The following TMEM68 variants were observed in gnomAD, a reference collection of about 807,000 sequenced individuals.
TMEM68 encodes DGAT1/2-independent enzyme synthesizing storage lipids.
A neutral mutation model predicts 36.9 loss-of-function variants in TMEM68; 25 were observed. That is an observed-to-expected ratio of 0.68 (90% CI 0.49 to 0.95). TMEM68 has a LOEUF of 0.95. Among genes scored for constraint, TMEM68 ranks in the 40% least tolerant of loss-of-function variants. The pLI is 0.00. For missense variants in TMEM68, 333 were observed against 392.0 expected (o/e 0.85, Z 1.27); for synonymous variants, 131 against 124.4 (o/e 1.05, Z -0.35).
intron 5 of TMEM68, chr8:55,746,666 T>C (rs1422841222): frequency 6.6e-6 from 1 of 152,176 alleles, no homozygotes; most frequent in African/African-American, 2.4e-5. Flanking sequence ...ATAGGTGAGA[T>C]ATTTAAATAA....
In TMEM68 at chr8:55,740,085, C is replaced by T. The variant is rs182915557; in HGVS notation, c.*47G>A. ...CAGAAGACAGTACCTTAGATACAAA[C>T]ATTTAATATAAATGTACTAAATCAT... On this transcript the variant is annotated 3_prime_UTR_variant, in exon 8 of 8. Transcript: ENST00000434581. The T allele has an allele frequency of 3.2e-5, 48 of 1,489,340 alleles. No homozygotes were observed. The East Asian group carries it at 1.0e-3, about 32-fold the overall frequency. The allele number at this position is 1,489,340 out of a possible 1,614,324, so 92.3% of individuals were successfully genotyped here.
At chr8:55,768,841 G>T (rs907835946) in intron 1 of TMEM68, among the ~76,000 whole-genome samples, 1 of 150,430 alleles carries the variant, frequency 6.6e-6, no homozygotes, top group African/African-American at 2.4e-5. Context: ...GTGAGACTCT[G>T]CTCAAAAAGA....
chr8:55,746,349 C>A, intron 5 of TMEM68: 1 of 117,150 alleles, frequency 8.5e-6, no homozygotes, highest in African/African-American at 3.2e-5. Flanking sequence ...AAAGAATTCT[C>A]CATAATTGAT....
intron 5 of TMEM68, 162 bp downstream of exon 5, chr8:55,750,802 T>C: frequency 1.6e-6 from 1 of 632,350 alleles, no homozygotes; most frequent in South Asian, 2.2e-5. Flanking sequence ...CCTCCCAAAG[T>C]GCTGAGATTA....
intron 5 of TMEM68, among the ~76,000 whole-genome samples, chr8:55,749,051 T>C (rs1810361943): frequency 6.6e-6 from 1 of 152,236 alleles, no homozygotes; most frequent in African/African-American, 2.4e-5. Flanking sequence ...TCAAAGTTTT[T>C]ATGGATAAAG....
At chr8:55,752,520 G>A (rs903203890) in intron 4 of TMEM68, among the ~76,000 whole-genome samples, 27 of 151,912 alleles carry the variant, frequency 1.8e-4, no homozygotes, top group African/African-American at 3.9e-4. Context: ...CCCGTGAGGC[G>A]GAGGTTGCAG....
intron 5 of TMEM68, chr8:55,746,307 C>T (rs954625372): frequency 4.4e-5 from 4 of 90,294 alleles, no homozygotes; most frequent in African/African-American, 1.9e-4. Flanking sequence ...TAGAGCGAGA[C>T]ACTGTCTCCC....
rs1048420709 is a variant in TMEM68, at chr8:55,750,110, A to T, written c.687+854T>A. ...TTCAAAATATAAACTTGAAAGTTGA[A>T]CCATCTTTGATTAGGATTTTAGTTT... On this transcript the variant is annotated intron_variant, in intron 5 of 7. Transcript: ENST00000434581. Among the ~76,000 whole-genome samples, 3 of 152,172 alleles carry T rather than the reference A, an allele frequency of 2.0e-5. No homozygotes were observed. In the East Asian group the frequency reaches 5.8e-4, roughly 29 times the overall value.
intron 6 of TMEM68, among the ~76,000 whole-genome samples, chr8:55,744,299 A>ATTTTT (rs758170217): frequency 2.1e-4 from 4 of 19,178 alleles, no homozygotes; most frequent in Non-Finnish European, 2.9e-4. Flanking sequence ...GACAGACTAA[A>ATTTTT]TTTTTTTTTT....
chr8:55,763,059 TC>T, intron 2 of TMEM68, 31 bp from the exon 3 acceptor site: 1 of 1,285,096 alleles, frequency 7.8e-7, no homozygotes, highest in Non-Finnish European at 1.0e-6. Context: ...AGTATTATTT[TC>T]TCCACAGCTA....
intron 4 of TMEM68, among the ~76,000 whole-genome samples, chr8:55,755,791 A>G (rs1810587143): frequency 2.0e-5 from 3 of 152,062 alleles, no homozygotes; most frequent in Admixed American, 2.0e-4. Context: ...GATACAACTT[A>G]AAAAAATAAC....
chr8:55,751,254 C>T, intron 4 of TMEM68, 97 bp from the exon 5 acceptor site: 1 of 1,095,886 alleles, frequency 9.1e-7, no homozygotes, highest in South Asian at 1.8e-5. Flanking sequence ...ACTATTTATA[C>T]TTAAATCAGT....
intron 6 of TMEM68, 35 bp downstream of exon 6, chr8:55,745,026 C>T (rs1481761462): frequency 7.4e-6 from 10 of 1,343,864 alleles, no homozygotes; most frequent in Non-Finnish European, 9.8e-6. Flanking sequence ...TTAAAAATTA[C>T]ATTGTAATTT....
chr8:55,752,444 G>A (rs148534767), intron 4 of TMEM68, among the ~76,000 whole-genome samples: 2,472 of 151,386 alleles, frequency 0.016, 76 homozygotes, highest in African/African-American at 0.058. Context: ...AAAATTAGCC[G>A]GGCATGGTGG....
chr8:55,744,730 G>T (rs929853315), intron 6 of TMEM68, among the ~76,000 whole-genome samples: 1 of 152,088 alleles, frequency 6.6e-6, no homozygotes, highest in African/African-American at 2.4e-5. Context: ...GTAACTTCTG[G>T]GGTGAGTTAA....
intron 1 of TMEM68, among the ~76,000 whole-genome samples, chr8:55,766,315 C>A (rs1810960514): frequency 6.7e-6 from 1 of 149,830 alleles, no homozygotes; most frequent in South Asian, 2.1e-4. Context: ...GAGAAAGTGA[C>A]AGGGAGGGCA....
chr8:55,764,328 G>A (rs1022905632), intron 1 of TMEM68, among the ~76,000 whole-genome samples: 4 of 152,162 alleles, frequency 2.6e-5, no homozygotes, highest in Non-Finnish European at 5.9e-5. Flanking sequence ...TAACCTGAAG[G>A]TGAAACATAA....
At chr8:55,762,059 G>C (rs1396725787) in intron 3 of TMEM68, 5 of 152,044 alleles carry the variant, frequency 3.3e-5, no homozygotes, top group African/African-American at 9.7e-5. Context: ...AAACAAAGAA[G>C]AACCACCAAT....
At chr8:55,769,317 C>T (rs1469574817) in intron 1 of TMEM68, among the ~76,000 whole-genome samples, 1 of 5,728 alleles carries the variant, frequency 1.7e-4, no homozygotes, top group African/African-American at 3.2e-4. Flanking sequence ...ATGAGAATCC[C>T]ATCTCAAAAA....
Sources: allele counts gnomAD v4.1 joint callset (sites outside exome capture counted in the v4.1 genomes callset), GRCh38; gene constraint gnomAD v4.1.1; transcripts MANE v1.5; gene names NCBI Gene and HGNC (gene_info 2026-07-23, HGNC 2026-07-21).